The following NTM variants were observed in gnomAD, a reference collection of about 807,000 sequenced individuals.
NTM encodes the protein neurotrimin.
In NTM, 13 loss-of-function variants were observed where a neutral mutation model predicts 42.1. The observed-to-expected ratio is 0.31, with a 90% CI of 0.20 to 0.49. NTM has a LOEUF of 0.49. NTM is among the 20% of genes least tolerant of loss of function. The pLI, the probability that NTM is intolerant of heterozygous loss-of-function variation, is 0.99. For missense variants in NTM, 373 were observed against 452.8 expected (o/e 0.82, Z 1.60); for synonymous variants, 187 against 179.2 (o/e 1.04, Z -0.35).
chr11:132,102,057 A>G (rs757537765), intron 2 of NTM, among the ~76,000 whole-genome samples: 1 of 152,048 alleles, frequency 6.6e-6, no homozygotes, highest in African/African-American at 2.4e-5. Context: ...TCACGCCTCT[A>G]AGTCTTGGCT....
chr11:131,649,346 A>T (rs2066175108), intron 1 of NTM, among the ~76,000 whole-genome samples: 1 of 152,230 alleles, frequency 6.6e-6, no homozygotes, highest in African/African-American at 2.4e-5. Context: ...AACAGAATGC[A>T]GTGTCTGTTT....
At chr11:132,330,307 C>T in intron 8 of NTM, 122 bp downstream of exon 8, 1 of 1,055,058 alleles carries the variant, frequency 9.5e-7, no homozygotes, top group Non-Finnish European at 1.4e-6. Flanking sequence ...AGGGAACCCT[C>T]CCCCAACCTT....
intron 4 of NTM, among the ~76,000 whole-genome samples, chr11:132,237,280 A>C (rs561527225): frequency 7.9e-5 from 12 of 152,168 alleles, no homozygotes; most frequent in Non-Finnish European, 1.6e-4. Flanking sequence ...TCCTTTGGTC[A>C]AGACAAGGTG....
chr11:132,311,361 T>A (rs1027624772), intron 6 of NTM, among the ~76,000 whole-genome samples: 17 of 152,214 alleles, frequency 1.1e-4, no homozygotes, highest in Admixed American at 6.5e-4. Context: ...AAAAAAAATT[T>A]TTAAGGACAC....
At chr11:132,079,429 G>A (rs2058750446) in intron 2 of NTM, among the ~76,000 whole-genome samples, 1 of 152,142 alleles carries the variant, frequency 6.6e-6, no homozygotes, top group African/African-American at 2.4e-5. Flanking sequence ...TTTAATGCTT[G>A]CCAAAGGGTG....
At chr11:132,150,987 CT>C (rs995195980) in intron 3 of NTM, among the ~76,000 whole-genome samples, 1 of 152,166 alleles carries the variant, frequency 6.6e-6, no homozygotes, top group Non-Finnish European at 1.5e-5. Context: ...TGAACATAAT[CT>C]TTTTGTCCAG....
chr11:131,401,769 C>A (rs1945161491), intron 1 of NTM, among the ~76,000 whole-genome samples: 1 of 115,994 alleles, frequency 8.6e-6, no homozygotes, highest in Non-Finnish European at 1.7e-5. Context: ...CCATAATTAT[C>A]CTCATCATTA....
chr11:131,838,842 A>G (rs2043851806), intron 1 of NTM, among the ~76,000 whole-genome samples: 1 of 152,160 alleles, frequency 6.6e-6, no homozygotes, highest in Admixed American at 6.5e-5. Flanking sequence ...TGTACCAGGT[A>G]TTCTTGGAGG....
At chr11:132,025,172 A>G (rs1253380131) in intron 2 of NTM, among the ~76,000 whole-genome samples, 3 of 152,160 alleles carry the variant, frequency 2.0e-5, no homozygotes, top group Non-Finnish European at 4.4e-5. Context: ...TTTCATGTCC[A>G]GGCCTAGGAC....
intron 4 of NTM, among the ~76,000 whole-genome samples, chr11:132,303,305 C>T (rs898030752): frequency 6.6e-6 from 1 of 152,210 alleles, no homozygotes; most frequent in African/African-American, 2.4e-5. Flanking sequence ...CTCTCTCTGA[C>T]AGTGACAGGG....
intron 2 of NTM, among the ~76,000 whole-genome samples, chr11:132,072,605 T>C (rs551777597): frequency 6.6e-6 from 1 of 152,140 alleles, no homozygotes; most frequent in Non-Finnish European, 1.5e-5. Flanking sequence ...AGAACAGACT[T>C]TCTGGAGAGA....
intron 1 of NTM, among the ~76,000 whole-genome samples, chr11:131,620,742 T>G (rs1418515124): frequency 3.9e-5 from 6 of 152,338 alleles, no homozygotes; most frequent in Admixed American, 1.3e-4. Context: ...AGGCCTGCAC[T>G]GTCCTTCTTC....
chr11:131,953,673 A>G (rs954258373), intron 2 of NTM, among the ~76,000 whole-genome samples: 12 of 152,138 alleles, frequency 7.9e-5, no homozygotes, highest in Non-Finnish European at 1.5e-4. Flanking sequence ...TCAGCACTGG[A>G]CAAAATACAA....
At chr11:131,391,383 C>G (rs1454681946) in intron 1 of NTM, among the ~76,000 whole-genome samples, 1 of 152,118 alleles carries the variant, frequency 6.6e-6, no homozygotes, top group Non-Finnish European at 1.5e-5. Flanking sequence ...CGCCCCACTC[C>G]TTGCCTCATG....
At chr11:131,867,997 C>T (rs1172022034) in intron 1 of NTM, among the ~76,000 whole-genome samples, 1 of 152,022 alleles carries the variant, frequency 6.6e-6, no homozygotes, top group Non-Finnish European at 1.5e-5. Flanking sequence ...CCAAACACAC[C>T]CTGGAGTCTT....
chr11:131,889,205 G>C (rs571798822), intron 1 of NTM, among the ~76,000 whole-genome samples: 2 of 152,318 alleles, frequency 1.3e-5, no homozygotes, highest in African/African-American at 4.8e-5. Context: ...TAGCAAGCAG[G>C]CCTGGAGTTT....
chr11:131,805,454 C>T (rs2092426608), intron 1 of NTM, among the ~76,000 whole-genome samples: 2 of 151,996 alleles, frequency 1.3e-5, no homozygotes, highest in Admixed American at 1.3e-4. Flanking sequence ...GTGTGAACTC[C>T]CAAACATGAA....
intron 4 of NTM, among the ~76,000 whole-genome samples, chr11:132,225,241 G>A (rs557034454): frequency 3.9e-5 from 6 of 152,092 alleles, no homozygotes; most frequent in Non-Finnish European, 7.3e-5. Flanking sequence ...CAGTATGGGA[G>A]TGTAGGCAAT....
chr11:131,742,432 CT>C (rs951067512), intron 1 of NTM, among the ~76,000 whole-genome samples: 15 of 151,446 alleles, frequency 9.9e-5, no homozygotes, highest in Admixed American at 2.0e-4. Flanking sequence ...ATAAAAATGA[CT>C]TTTTTTTTCT....
Sources: gnomAD v4.1 joint callset for allele counts (sites outside exome capture counted in the v4.1 genomes callset) on GRCh38, gnomAD v4.1.1 for gene constraint, MANE v1.5 for transcripts, NCBI Gene and HGNC (gene_info 2026-07-23, HGNC 2026-07-21) for gene names.